Variants in HMBOX1 observed in about 807,000 individuals in gnomAD.
The protein encoded by HMBOX1 is homeobox containing 1.
HMBOX1 carries 14 observed loss-of-function variants against 54.5 expected under a neutral mutation model. The observed-to-expected ratio is 0.26, with a 90% CI of 0.17 to 0.40. HMBOX1 has a LOEUF of 0.40. HMBOX1 is among the 10% of genes least tolerant of loss of function. The pLI, the probability that HMBOX1 is intolerant of heterozygous loss-of-function variation, is 1.00. For missense variants in HMBOX1, 332 were observed against 514.4 expected, an observed-to-expected ratio of 0.65 and a Z score of 3.43; for synonymous variants, 160 against 181.0, an observed-to-expected ratio of 0.88 and a Z score of 0.93.
In HMBOX1 at chr8:29,049,021, T is replaced by A; in HGVS notation, c.1098T>A (p.Asp366Glu). The change falls in exon 9 of 10, where the codon GAT (aspartate) becomes GAA (glutamate). Residue 366 changes from aspartate (D) to glutamate (E), a missense_variant. This residue lies in a region of HMBOX1 where 69 missense variants were observed against 104.6 expected (regional missense o/e 0.66). Transcript: ENST00000287701. ...QSPGGHSNSD[D>E]VDGNDYSEQD... ...CAGGAGGCCACTCAAACAGTGATGATGTCGACGGGAATGACTACTCTGAGC... is the reference window on the plus strand; with the variant it reads ...CAGGAGGCCACTCAAACAGTGATGAAGTCGACGGGAATGACTACTCTGAGC... 6.2e-7 allele frequency: 1 copy of A among 1,613,964 alleles called. No individual in the cohort carries two copies. Among genetic ancestry groups the A allele is most frequent in the Non-Finnish European group, 8.5e-7 (1 of 1,179,950 alleles).
chr8:28,920,123 CA>C (rs1817296140), intron 1 of HMBOX1, among the ~76,000 whole-genome samples: 1 of 152,112 alleles, frequency 6.6e-6, no homozygotes, highest in South Asian at 2.1e-4. Context: ...TTACATCAAC[CA>C]GGTAAACTTG....
chr8:28,892,370 T>C (rs181585456), intron 1 of HMBOX1, among the ~76,000 whole-genome samples: 2 of 152,332 alleles, frequency 1.3e-5, no homozygotes, highest in Admixed American at 1.3e-4. Context: ...CTCACAGTTT[T>C]TAATATTTAA....
intron 1 of HMBOX1, among the ~76,000 whole-genome samples, chr8:28,931,209 A>G (rs1431096709): frequency 6.6e-6 from 1 of 152,216 alleles, no homozygotes; most frequent in African/African-American, 2.4e-5. Flanking sequence ...CCTAATATAT[A>G]TTTCGTGATT....
intron 6 of HMBOX1, among the ~76,000 whole-genome samples, chr8:29,043,585 A>G (rs1472347897): frequency 6.6e-6 from 1 of 152,218 alleles, no homozygotes; most frequent in East Asian, 1.9e-4. Flanking sequence ...TCGTTTTTGT[A>G]TATTTTGTGT....
Position 28,970,981 on chromosome 8 carries a change from G to GAC in HMBOX1, c.500+510_500+511dup, listed in dbSNP as rs10554708. Among the ~76,000 whole-genome samples the GAC allele has an allele frequency of 0.041, 5,349 of 131,938 alleles. 131 individuals are homozygous for GAC. Among genetic ancestry groups the GAC allele is most frequent in the East Asian group, 0.074 (328 of 4,438 alleles). The allele number at this position is 131,938 out of a possible 152,430, so 86.6% of individuals were successfully genotyped here. A position where few individuals can be genotyped will look rare whatever the true frequency, so the allele number is the denominator to read the frequency against. ...ATAGGTTCTAATTTTAGCAATAGAT[G>GAC]ACACACACACACACACACACACACA... On this transcript the variant is annotated intron_variant, in intron 3 of 9. Coordinates refer to ENST00000287701, the MANE Select transcript of HMBOX1 (RefSeq NM_001135726.3). The surrounding 1 kb of genome is among the most constrained non-coding windows in gnomAD (Gnocchi z 4.3).
intron 6 of HMBOX1, among the ~76,000 whole-genome samples, chr8:29,019,972 A>G (rs1425403964): frequency 1.3e-5 from 2 of 152,256 alleles, no homozygotes; most frequent in African/African-American, 4.8e-5. Context: ...TAGGTTATCC[A>G]CTGATGTTGT....
chr8:29,017,758 G>C (rs575489606), intron 5 of HMBOX1, among the ~76,000 whole-genome samples: 1 of 152,306 alleles, frequency 6.6e-6, no homozygotes, highest in South Asian at 2.1e-4. Flanking sequence ...TAGCTATTAA[G>C]AAGGGGATCT....
intron 1 of HMBOX1, among the ~76,000 whole-genome samples, chr8:28,921,664 A>T (rs1025257834): frequency 6.6e-6 from 1 of 152,214 alleles, no homozygotes; most frequent in Non-Finnish European, 1.5e-5. Flanking sequence ...ATTACTCCAA[A>T]ATACACATCC....
At chr8:28,980,500 TCCTC>T (rs1395262328) in intron 4 of HMBOX1, among the ~76,000 whole-genome samples, 1 of 152,204 alleles carries the variant, frequency 6.6e-6, no homozygotes, top group Non-Finnish European at 1.5e-5. Context: ...AGCTTTGTAA[TCCTC>T]CAAGTATAAT....
At chr8:29,026,038 C>T (rs1801966586) in intron 6 of HMBOX1, among the ~76,000 whole-genome samples, 1 of 106,836 alleles carries the variant, frequency 9.4e-6, no homozygotes. Flanking sequence ...CTACTTGCTA[C>T]CATGTACACA....
intron 1 of HMBOX1, among the ~76,000 whole-genome samples, chr8:28,933,635 A>G (rs181181926): frequency 6.6e-6 from 1 of 152,332 alleles, no homozygotes; most frequent in East Asian, 1.9e-4. Context: ...AGAATCTACA[A>G]ACGTTGGAAG....
At chr8:28,947,540 A>G (rs888222942) in intron 1 of HMBOX1, among the ~76,000 whole-genome samples, 1 of 152,186 alleles carries the variant, frequency 6.6e-6, no homozygotes, top group Non-Finnish European at 1.5e-5. Flanking sequence ...AGAGTAGTTG[A>G]TAATACTCTG....
intron 1 of HMBOX1, among the ~76,000 whole-genome samples, chr8:28,945,266 A>T (rs1000284066): frequency 6.6e-6 from 1 of 152,220 alleles, no homozygotes. Flanking sequence ...ATCATTGTCC[A>T]CAATTTACAG....
chr8:29,033,703 C>A (rs2133209353), intron 6 of HMBOX1, among the ~76,000 whole-genome samples: 1 of 152,228 alleles, frequency 6.6e-6, no homozygotes, highest in Non-Finnish European at 1.5e-5. Context: ...CCCCTTATTT[C>A]TCTAGTCCCC....
intron 4 of HMBOX1, among the ~76,000 whole-genome samples, chr8:29,003,286 A>G (rs1832906731): frequency 6.6e-6 from 1 of 151,926 alleles, no homozygotes; most frequent in African/African-American, 2.4e-5. Flanking sequence ...ATCATAATTT[A>G]TAATAGTGAA....
chr8:28,957,885 A>T (rs1196830125), intron 1 of HMBOX1, among the ~76,000 whole-genome samples: 1 of 152,096 alleles, frequency 6.6e-6, no homozygotes, highest in Non-Finnish European at 1.5e-5. Flanking sequence ...AGCCTGTCGA[A>T]GTGCTGGTAT....
At chr8:28,913,955 G>C (rs1006808450) in intron 1 of HMBOX1, among the ~76,000 whole-genome samples, 1 of 149,260 alleles carries the variant, frequency 6.7e-6, no homozygotes, top group African/African-American at 2.5e-5. Context: ...ACTGCAACCT[G>C]CATCTCCCAA....
At chr8:28,982,019 C>T (rs901864041) in intron 4 of HMBOX1, among the ~76,000 whole-genome samples, 9 of 152,152 alleles carry the variant, frequency 5.9e-5, no homozygotes, top group African/African-American at 1.7e-4. Context: ...AGGCAGATCA[C>T]GAGGTCAGGA....
At chr8:29,004,709 A>G (rs967547483) in intron 4 of HMBOX1, among the ~76,000 whole-genome samples, 4 of 152,196 alleles carry the variant, frequency 2.6e-5, no homozygotes, top group African/African-American at 9.7e-5. Context: ...TGTCAGAGGT[A>G]GACAAGATAG....
Sources: allele counts gnomAD v4.1 joint callset (sites outside exome capture counted in the v4.1 genomes callset), GRCh38; gene constraint gnomAD v4.1.1; regional missense constraint gnomAD v4.1.1; non-coding constraint Gnocchi (gnomAD v3.1); transcripts MANE v1.5; gene names NCBI Gene and HGNC (gene_info 2026-07-23, HGNC 2026-07-21).